Variants in GABBR2 observed in about 807,000 individuals in gnomAD.
GABBR2 encodes gamma-aminobutyric acid type B receptor subunit 2.
In GABBR2, 23 loss-of-function variants were observed where a neutral mutation model predicts 105.6. The ratio of observed to expected loss-of-function variants is 0.22; its 90% confidence interval spans 0.16 to 0.31. The LOEUF (loss-of-function observed/expected upper bound fraction) is 0.31, where lower values mean the gene tolerates loss of function less well. GABBR2 is among the 10% of genes least tolerant of loss of function. The probability of loss-of-function intolerance (pLI) is 1.00; values close to 1 mark genes in which losing one functional copy is unlikely to be tolerated. For synonymous variants in GABBR2, 478 were observed against 499.7 expected, an observed-to-expected ratio of 0.96 and a Z score of 0.58; for missense variants, 734 against 1,245.5, an observed-to-expected ratio of 0.59 and a Z score of 6.18.
intron 7 of GABBR2, among the ~76,000 whole-genome samples, chr9:98,440,672 T>G (rs574037258): frequency 1.3e-5 from 2 of 152,380 alleles, no homozygotes; most frequent in South Asian, 4.1e-4. Context: ...TGAAATTTCA[T>G]GAGAAAGTGG....
intron 4 of GABBR2, among the ~76,000 whole-genome samples, chr9:98,485,876 T>C (rs190145427): frequency 7.2e-4 from 110 of 152,264 alleles, no homozygotes; most frequent in African/African-American, 2.6e-3. Context: ...GGGAGCTTCC[T>C]GGCCATGGGA....
intron 13 of GABBR2, among the ~76,000 whole-genome samples, chr9:98,338,474 C>T (rs905976210): frequency 1.2e-4 from 18 of 152,108 alleles, no homozygotes; most frequent in African/African-American, 4.1e-4. Flanking sequence ...TCTGAATAGA[C>T]ATTTCTCCAA....
chr9:98,531,463 C>T (rs1434263593), intron 3 of GABBR2, among the ~76,000 whole-genome samples: 4 of 152,238 alleles, frequency 2.6e-5, no homozygotes, highest in Non-Finnish European at 4.4e-5. Flanking sequence ...CATCCAAGCT[C>T]GGACATCTGT....
chr9:98,557,180 G>C (rs1267248961), intron 2 of GABBR2, among the ~76,000 whole-genome samples: 1 of 152,150 alleles, frequency 6.6e-6, no homozygotes, highest in Non-Finnish European at 1.5e-5. Flanking sequence ...CACCTCTTTT[G>C]CTCCAGCGTC....
chr9:98,356,440 T>C (rs973669951), intron 13 of GABBR2, among the ~76,000 whole-genome samples: 1 of 152,114 alleles, frequency 6.6e-6, no homozygotes, highest in African/African-American at 2.4e-5. Flanking sequence ...CACTGGGGAA[T>C]TGCAAATTAT....
intron 14 of GABBR2, among the ~76,000 whole-genome samples, chr9:98,307,242 T>C (rs527249882): frequency 6.6e-6 from 1 of 152,310 alleles, no homozygotes; most frequent in Admixed American, 6.5e-5. Context: ...AATAGATGTC[T>C]TGACAGAAAT....
intron 16 of GABBR2, among the ~76,000 whole-genome samples, chr9:98,302,376 C>A (rs2131348679): frequency 6.6e-6 from 1 of 152,334 alleles, no homozygotes; most frequent in Non-Finnish European, 1.5e-5. Context: ...AGAGAACACC[C>A]TGGAGAGTGG....
intron 6 of GABBR2, among the ~76,000 whole-genome samples, chr9:98,462,637 TAAA>T (rs1399205210): frequency 6.6e-6 from 1 of 152,114 alleles, no homozygotes; most frequent in East Asian, 1.9e-4. Flanking sequence ...TGGCTAAAAT[TAAA>T]AAGCTGACAC....
chr9:98,608,156 C>T lies in GABBR2; in HGVS notation c.322-30084G>A, dbSNP rs559990017. ...TAAACTCTCTATTGACCACCAGTTA[C>T]GTATTAGTTGCCAATATGCCAGCTT... On this transcript the variant is annotated intron_variant, in intron 1 of 18. Coordinates refer to ENST00000259455, the MANE Select transcript of GABBR2 (RefSeq NM_005458.8). 2.9e-4 allele frequency: 349 copies of T among 1,214,700 alleles called. 2 individuals are homozygous for T. Among genetic ancestry groups the T allele is most frequent in the African/African-American group, 2.8e-3 (189 of 66,694 alleles). The allele number at this position is 1,214,700 out of a possible 1,614,324, so 75.2% of individuals were successfully genotyped here.
intron 12 of GABBR2, among the ~76,000 whole-genome samples, chr9:98,364,278 G>T (rs183270775): frequency 7.2e-5 from 11 of 152,358 alleles, no homozygotes; most frequent in Admixed American, 7.2e-4. Context: ...GGGGCAAAAT[G>T]CCTAAGGAGC....
At chr9:98,486,795 G>A (rs1222806767) in intron 4 of GABBR2, among the ~76,000 whole-genome samples, 1 of 152,232 alleles carries the variant, frequency 6.6e-6, no homozygotes, top group African/African-American at 2.4e-5. Context: ...CAACTGTCTG[G>A]CTGTAGACTT....
chr9:98,512,144 C>A (rs1032130997), intron 3 of GABBR2, among the ~76,000 whole-genome samples: 2 of 149,110 alleles, frequency 1.3e-5, no homozygotes, highest in Non-Finnish European at 3.0e-5. Context: ...TAAACAGAAC[C>A]AAAGACAAAA....
intron 7 of GABBR2, among the ~76,000 whole-genome samples, chr9:98,419,562 C>T (rs1217654547): frequency 6.6e-6 from 1 of 152,130 alleles, no homozygotes; most frequent in Admixed American, 6.5e-5. Flanking sequence ...TTTCATAGTG[C>T]AAACTGTTAG....
chr9:98,341,206 C>A (rs1012084153), intron 13 of GABBR2, among the ~76,000 whole-genome samples: 1 of 152,218 alleles, frequency 6.6e-6, no homozygotes, highest in Non-Finnish European at 1.5e-5. Context: ...TCCAGAATCG[C>A]GGCGGTGGCT....
At chr9:98,293,128 C>T (rs147669645) in intron 18 of GABBR2, among the ~76,000 whole-genome samples, 1 of 152,290 alleles carries the variant, frequency 6.6e-6, no homozygotes, top group Non-Finnish European at 1.5e-5. Flanking sequence ...TTTGTATTTC[C>T]AGCTTCTGCT....
intron 1 of GABBR2, among the ~76,000 whole-genome samples, chr9:98,589,627 TCTC>T (rs572755320): frequency 3.9e-5 from 6 of 152,160 alleles, no homozygotes; most frequent in South Asian, 2.1e-4. Flanking sequence ...TAAAAAGTGT[TCTC>T]CTATCATTCA....
intron 13 of GABBR2, among the ~76,000 whole-genome samples, chr9:98,334,190 C>T (rs1831075552): frequency 6.6e-6 from 1 of 152,164 alleles, no homozygotes; most frequent in Non-Finnish European, 1.5e-5. Context: ...TATCTGTTCA[C>T]TCTCATGAAC....
intron 2 of GABBR2, among the ~76,000 whole-genome samples, chr9:98,567,094 G>A (rs1434660818): frequency 6.6e-6 from 1 of 152,154 alleles, no homozygotes; most frequent in African/African-American, 2.4e-5. Flanking sequence ...CAGCTGTACC[G>A]TAAGTAGCGC....
At chr9:98,677,928 T>C (rs757739317) in intron 1 of GABBR2, among the ~76,000 whole-genome samples, 4 of 152,090 alleles carry the variant, frequency 2.6e-5, no homozygotes, top group Non-Finnish European at 5.9e-5. Flanking sequence ...TGACTGTCCT[T>C]TGTTTTTGTT....
Sources: allele counts gnomAD v4.1 joint callset (sites outside exome capture counted in the v4.1 genomes callset), GRCh38; gene constraint gnomAD v4.1.1; transcripts MANE v1.5; gene names NCBI Gene and HGNC (gene_info 2026-07-23, HGNC 2026-07-21).